RPS6KC1: variants seen among roughly 807,000 people sequenced by gnomAD.
RPS6KC1 encodes the protein inactive ribosomal protein S6 kinase delta-1.
Under a neutral mutation model 103.8 loss-of-function variants are expected in RPS6KC1, and 54 were observed. That is an observed-to-expected ratio of 0.52 (90% CI 0.42 to 0.65). RPS6KC1 has a LOEUF of 0.65. Ranked by LOEUF, RPS6KC1 falls within the 30% of genes least tolerant of loss-of-function variation. The pLI, the probability that RPS6KC1 is intolerant of heterozygous loss-of-function variation, is 0.00. For missense variants in RPS6KC1, 1,151 were observed against 1,253.8 expected, an observed-to-expected ratio of 0.92 and a Z score of 1.24; for synonymous variants, 439 against 438.7, an observed-to-expected ratio of 1.00 and a Z score of -0.01.
At chr1:213,363,746 TTTCTCTTTCTCTC>T in the RPS6KC1 span, among the ~76,000 whole-genome samples, 1 of 105,424 alleles carries the variant, frequency 9.5e-6, no homozygotes, top group Non-Finnish European at 1.9e-5. Context: ...TTCTCTCTTC[TTTCTCTTTCTCTC>T]TTCTTTCTTT....
At chr1:213,619,227 G>A in the RPS6KC1 span, among the ~76,000 whole-genome samples, 2 of 152,160 alleles carry the variant, frequency 1.3e-5, no homozygotes, top group Non-Finnish European at 2.9e-5. Context: ...GACAGCTGCA[G>A]TAGCTCCAGG....
At chr1:213,416,502 G>A in the RPS6KC1 span, among the ~76,000 whole-genome samples, 1 of 152,182 alleles carries the variant, frequency 6.6e-6, no homozygotes, top group East Asian at 1.9e-4. Flanking sequence ...GCTGTGGGAG[G>A]GCGAGTGAAA....
chr1:213,577,258 C>G, the RPS6KC1 span, among the ~76,000 whole-genome samples: 14 of 152,308 alleles, frequency 9.2e-5, no homozygotes, highest in African/African-American at 2.9e-4. Flanking sequence ...GTAAAATGTG[C>G]CTTTGCTTCT....
the RPS6KC1 span, among the ~76,000 whole-genome samples, chr1:213,345,459 T>C: frequency 4.6e-5 from 7 of 152,240 alleles, no homozygotes; most frequent in African/African-American, 1.7e-4. Context: ...TAATTTTTTA[T>C]TGAATCCTGG....
At chr1:213,411,884 G>C in the RPS6KC1 span, among the ~76,000 whole-genome samples, 3 of 152,330 alleles carry the variant, frequency 2.0e-5, no homozygotes, top group African/African-American at 4.8e-5. Flanking sequence ...ACCAATGGGC[G>C]TGGGGTGAGA....
chr1:213,126,044 C>T (rs902634937), intron 5 of RPS6KC1, among the ~76,000 whole-genome samples: 26 of 152,046 alleles, frequency 1.7e-4, no homozygotes, highest in Admixed American at 6.6e-5. Flanking sequence ...AAAGAGATCT[C>T]TAATACAGCA....
chr1:213,658,592 A>G, the RPS6KC1 span, among the ~76,000 whole-genome samples: 3 of 152,234 alleles, frequency 2.0e-5, no homozygotes, highest in Non-Finnish European at 4.4e-5. Flanking sequence ...CATGGGCAAT[A>G]GATTTGAGAG....
chr1:213,631,609 A>G, the RPS6KC1 span, among the ~76,000 whole-genome samples: 4 of 152,172 alleles, frequency 2.6e-5, no homozygotes, highest in South Asian at 8.3e-4. Flanking sequence ...AGTATATTTA[A>G]TATTCTAATA....
At chr1:213,818,696 C>T in the RPS6KC1 span, 2 of 152,180 alleles carry the variant, frequency 1.3e-5, no homozygotes, top group East Asian at 1.9e-4. Context: ...AGGGTGTGAC[C>T]GTGGAGGTGC....
At chr1:213,354,495 A>T in the RPS6KC1 span, among the ~76,000 whole-genome samples, 13 of 152,220 alleles carry the variant, frequency 8.5e-5, 1 homozygote, top group African/African-American at 2.2e-4. Context: ...GTGAACACTA[A>T]GGGCCATTTT....
the RPS6KC1 span, among the ~76,000 whole-genome samples, chr1:213,683,653 G>T: frequency 6.6e-6 from 1 of 152,118 alleles, no homozygotes; most frequent in East Asian, 1.9e-4. Flanking sequence ...GGTCACACAT[G>T]AGAGCCCTAA....
the RPS6KC1 span, among the ~76,000 whole-genome samples, chr1:213,555,403 C>T: frequency 6.6e-6 from 1 of 152,196 alleles, no homozygotes; most frequent in African/African-American, 2.4e-5. Flanking sequence ...CCATTTTATG[C>T]ACTTTGCAGC....
At chr1:213,150,402 G>A (rs931500045) in intron 6 of RPS6KC1, among the ~76,000 whole-genome samples, 17 of 148,944 alleles carry the variant, frequency 1.1e-4, no homozygotes, top group African/African-American at 4.2e-4. Context: ...TGGAGGGAAG[G>A]TCAGCAGATA....
the RPS6KC1 span, among the ~76,000 whole-genome samples, chr1:213,679,736 T>C: frequency 2.0e-5 from 3 of 152,198 alleles, no homozygotes; most frequent in African/African-American, 7.2e-5. Context: ...CTTTCTCCCA[T>C]GGCAAGACTT....
chr1:213,165,237 G>A (rs1467693589), intron 6 of RPS6KC1, among the ~76,000 whole-genome samples: 2 of 152,090 alleles, frequency 1.3e-5, no homozygotes, highest in East Asian at 3.9e-4. Context: ...TAGTATTTAT[G>A]TATAAGGTTA....
chr1:213,671,138 T>C, the RPS6KC1 span, among the ~76,000 whole-genome samples: 1 of 152,190 alleles, frequency 6.6e-6, no homozygotes, highest in African/African-American at 2.4e-5. Context: ...CATCCATCCA[T>C]TGATGGACAC....
At chr1:213,593,188 G>A in the RPS6KC1 span, among the ~76,000 whole-genome samples, 1 of 152,060 alleles carries the variant, frequency 6.6e-6, no homozygotes, top group African/African-American at 2.4e-5. Flanking sequence ...AGGCAGGCAG[G>A]GCCCACTCAG....
At chr1:213,484,759 A>G in the RPS6KC1 span, among the ~76,000 whole-genome samples, 2 of 152,222 alleles carry the variant, frequency 1.3e-5, no homozygotes, top group Non-Finnish European at 2.9e-5. Context: ...TGAAGAAAGG[A>G]TTCAATTGCA....
the RPS6KC1 span, among the ~76,000 whole-genome samples, chr1:213,746,782 G>T: frequency 6.6e-6 from 1 of 152,128 alleles, no homozygotes; most frequent in African/African-American, 2.4e-5. Context: ...GAGCCAAGGG[G>T]CTGTTTGATT....
Sources: gnomAD v4.1 joint callset for allele counts (sites outside exome capture counted in the v4.1 genomes callset) on GRCh38, gnomAD v4.1.1 for gene constraint, MANE v1.5 for transcripts, NCBI Gene and HGNC (gene_info 2026-07-23, HGNC 2026-07-21) for gene names.